DOCK3: variants seen among roughly 807,000 people sequenced by gnomAD.
DOCK3 encodes dedicator of cytokinesis 3.
Under a neutral mutation model 265.6 loss-of-function variants are expected in DOCK3, and 60 were observed. The ratio of observed to expected loss-of-function variants is 0.23; its 90% CI spans 0.18 to 0.28. DOCK3 has a LOEUF of 0.28. Ranked by LOEUF, DOCK3 falls within the 10% of genes least tolerant of loss-of-function variation. The pLI is 1.00. For synonymous variants in DOCK3, 881 were observed against 938.0 expected (o/e 0.94, Z 1.11); for missense variants, 1,981 against 2,594.3 (o/e 0.76, Z 5.14).
At chr3:50,729,264 G>A (rs1246213661) in intron 1 of DOCK3, among the ~76,000 whole-genome samples, 2 of 147,880 alleles carry the variant, frequency 1.4e-5, no homozygotes, top group Non-Finnish European at 3.0e-5. Context: ...TGAGGCTGCA[G>A]TGAGCTGTGA....
chr3:50,814,485 G>A (rs1174399697), intron 2 of DOCK3, among the ~76,000 whole-genome samples: 2 of 151,712 alleles, frequency 1.3e-5, no homozygotes, highest in Non-Finnish European at 2.9e-5. Context: ...AGTTTTGTAC[G>A]GAGCTCCTAG....
chr3:50,888,227 G>T (rs2048444257), intron 3 of DOCK3, among the ~76,000 whole-genome samples: 1 of 151,964 alleles, frequency 6.6e-6, no homozygotes. Flanking sequence ...CAGACAAACA[G>T]AGAGCCAAAT....
intron 5 of DOCK3, among the ~76,000 whole-genome samples, chr3:51,041,357 A>G (rs796844484): frequency 6.5e-4 from 97 of 150,258 alleles, no homozygotes; most frequent in African/African-American, 2.3e-3. Flanking sequence ...AGCTGGGACT[A>G]CAGGTGCCCA....
intron 5 of DOCK3, among the ~76,000 whole-genome samples, chr3:50,970,869 T>C (rs1449759815): frequency 9.7e-6 from 1 of 102,926 alleles, no homozygotes; most frequent in Admixed American, 1.2e-4. Flanking sequence ...TACAGGCACA[T>C]ACTACCACAC....
rs1560337037 is a variant in DOCK3, at chr3:51,277,662, C to T, written c.2731C>T (p.Leu911Phe). The change falls in exon 26 of 53, where the codon CTC becomes TTC. Residue 911 changes from leucine (L) to phenylalanine (F), a missense_variant. By Grantham distance (22) the Leu-to-Phe change is conservative. Transcript: ENST00000266037. The part of the protein sequence containing the change: ...EMMVESLLDV[L>F]LQTLLTIMSK... Reference sequence around the variant, plus strand: ...GATGGTGGAGAGCCTCCTGGACGTGCTCTTGCAGACTCTGCTCACCATCAT... The same window carrying T: ...GATGGTGGAGAGCCTCCTGGACGTGTTCTTGCAGACTCTGCTCACCATCAT... The T allele has an allele frequency of 6.3e-7, 1 of 1,599,888 alleles. No individual in the cohort carries two copies. Among genetic ancestry groups the T allele is most frequent in the East Asian group, 2.3e-5 (1 of 44,004 alleles).
At chr3:50,800,029 T>C (rs2042992550) in intron 2 of DOCK3, among the ~76,000 whole-genome samples, 1 of 152,250 alleles carries the variant, frequency 6.6e-6, no homozygotes, top group Admixed American at 6.5e-5. Flanking sequence ...ATTATTCTTA[T>C]ATTCCTGGGA....
intron 5 of DOCK3, among the ~76,000 whole-genome samples, chr3:51,016,629 T>C (rs1223543901): frequency 5.5e-4 from 11 of 20,098 alleles, no homozygotes; most frequent in African/African-American, 4.0e-3. Flanking sequence ...ATATATATAA[T>C]ATATATGATA....
intron 4 of DOCK3, among the ~76,000 whole-genome samples, chr3:50,923,354 A>G (rs1274274641): frequency 6.6e-6 from 1 of 152,130 alleles, no homozygotes; most frequent in Non-Finnish European, 1.5e-5. Flanking sequence ...GCTATTTTCC[A>G]TAGTGGTTTT....
chr3:50,962,500 C>T (rs1453197925), intron 5 of DOCK3, among the ~76,000 whole-genome samples: 1 of 152,172 alleles, frequency 6.6e-6, no homozygotes, highest in Non-Finnish European at 1.5e-5. Context: ...CCATGGAACA[C>T]AGTTATATTC....
chr3:50,822,904 C>T (rs572576245), intron 2 of DOCK3, among the ~76,000 whole-genome samples: 1 of 152,270 alleles, frequency 6.6e-6, no homozygotes, highest in South Asian at 2.1e-4. Context: ...GGAGAATTGA[C>T]ATTTTCATCT....
At chr3:50,753,769 C>A (rs973965630) in intron 1 of DOCK3, among the ~76,000 whole-genome samples, 8 of 152,140 alleles carry the variant, frequency 5.3e-5, no homozygotes, top group African/African-American at 1.9e-4. Context: ...TATTATATTG[C>A]AAATTAAAGT....
chr3:51,376,532 T>C (rs2088150308), intron 51 of DOCK3, among the ~76,000 whole-genome samples: 1 of 152,194 alleles, frequency 6.6e-6, no homozygotes, highest in African/African-American at 2.4e-5. Flanking sequence ...AGATCTGAGT[T>C]AATTTTAACA....
At chr3:51,051,636 C>G (rs1390390775) in intron 5 of DOCK3, among the ~76,000 whole-genome samples, 1 of 152,182 alleles carries the variant, frequency 6.6e-6, no homozygotes, top group African/African-American at 2.4e-5. Context: ...CATTCTGACT[C>G]TAAAGCCAAT....
intron 2 of DOCK3, among the ~76,000 whole-genome samples, chr3:50,792,143 T>C (rs1381662794): frequency 6.8e-6 from 1 of 146,462 alleles, no homozygotes; most frequent in Non-Finnish European, 1.5e-5. Context: ...TTTTGAGCAA[T>C]GTTTTGTAGT....
intron 9 of DOCK3, among the ~76,000 whole-genome samples, chr3:51,144,020 A>G (rs921299651): frequency 6.6e-6 from 1 of 152,242 alleles, no homozygotes; most frequent in Non-Finnish European, 1.5e-5. Flanking sequence ...AGCCTGTGAT[A>G]CATTCAAGTT....
In DOCK3 at chr3:51,170,436, T is replaced by C. The variant is rs1259143333; in HGVS notation, c.1037+9734T>C. 4.6e-5 allele frequency among the ~76,000 whole-genome samples: 7 copies of C among 151,570 alleles called. No homozygotes were observed. In the East Asian group the frequency reaches 1.3e-3, roughly 29 times the overall value. On this transcript the variant is annotated intron_variant, in intron 12 of 52. Coordinates refer to ENST00000266037, the MANE Select transcript of DOCK3 (RefSeq NM_004947.5). Reference sequence around the variant, plus strand: ...ACTGCTTCTGTATTCTTATTATTGATTTTTTTTTATTCTTTATGATTCAAT... The same window carrying C: ...ACTGCTTCTGTATTCTTATTATTGACTTTTTTTTATTCTTTATGATTCAAT...
intron 9 of DOCK3, among the ~76,000 whole-genome samples, chr3:51,101,258 C>G (rs1243391165): frequency 6.6e-6 from 1 of 151,842 alleles, no homozygotes; most frequent in African/African-American, 2.4e-5. Context: ...GTAGCTGGGA[C>G]TACAGGCGCC....
At chr3:50,848,924 G>T (rs563530625) in intron 3 of DOCK3, among the ~76,000 whole-genome samples, 1 of 152,148 alleles carries the variant, frequency 6.6e-6, no homozygotes, top group Non-Finnish European at 1.5e-5. Context: ...TCTTAGGAAT[G>T]CCAGTAATTT....
At chr3:51,057,406 CT>C in intron 5 of DOCK3, among the ~76,000 whole-genome samples, 1 of 152,346 alleles carries the variant, frequency 6.6e-6, no homozygotes, top group African/African-American at 2.4e-5. Flanking sequence ...ATACAGATTT[CT>C]TCTGCCCAAT....
Sources: gnomAD v4.1 joint callset for allele counts (sites outside exome capture counted in the v4.1 genomes callset) on GRCh38, gnomAD v4.1.1 for gene constraint, MANE v1.5 for transcripts, NCBI Gene and HGNC (gene_info 2026-07-23, HGNC 2026-07-21) for gene names.